The following ZNF33B variants were observed in gnomAD, a reference collection of about 807,000 sequenced individuals.
The protein encoded by ZNF33B is zinc finger protein 11b (KOX 2).
Under a neutral mutation model 45.8 loss-of-function variants are expected in ZNF33B, and 29 were observed. That is an observed-to-expected ratio of 0.63 (90% CI 0.47 to 0.86). The LOEUF (loss-of-function observed/expected upper bound fraction) is 0.86, where lower values mean the gene tolerates loss of function less well. ZNF33B is among the 40% of genes least tolerant of loss of function. The probability of loss-of-function intolerance (pLI) is 0.00; values close to 1 mark genes in which losing one functional copy is unlikely to be tolerated. For synonymous variants in ZNF33B, 305 were observed against 307.8 expected (o/e 0.99, Z 0.10); for missense variants, 831 against 909.9 (o/e 0.91, Z 1.12).
At chr10:42,633,839 G>A (rs1839163688) in intron 2 of ZNF33B, among the ~76,000 whole-genome samples, 1 of 151,950 alleles carries the variant, frequency 6.6e-6, no homozygotes, top group Admixed American at 6.6e-5. Context: ...CGTGGTGGCA[G>A]GCACCTGTAA....
intron 4 of ZNF33B, among the ~76,000 whole-genome samples, chr10:42,631,464 GC>G (rs1284055038): frequency 6.6e-6 from 1 of 152,138 alleles, no homozygotes; most frequent in African/African-American, 2.4e-5. Flanking sequence ...CTCGACCTGT[GC>G]TGGGATTACA....
At chr10:42,636,844 A>C in intron 2 of ZNF33B, 76 bp downstream of exon 2, 1 of 1,602,206 alleles carries the variant, frequency 6.2e-7, no homozygotes, top group South Asian at 1.1e-5. Flanking sequence ...AAAACAAAAC[A>C]AAAAAACCAT....
chr10:42,634,600 CA>C (rs1839205344), intron 2 of ZNF33B, among the ~76,000 whole-genome samples: 1 of 152,148 alleles, frequency 6.6e-6, no homozygotes, highest in Admixed American at 6.5e-5. Context: ...GGTACTGGCA[CA>C]ACCAACCAAC....
At chr10:42,630,196 T>A (rs1488952966) in intron 4 of ZNF33B, among the ~76,000 whole-genome samples, 1 of 152,224 alleles carries the variant, frequency 6.6e-6, no homozygotes, top group Non-Finnish European at 1.5e-5. Flanking sequence ...AGCTTCCCTA[T>A]CTAATAATGC....
intron 4 of ZNF33B, among the ~76,000 whole-genome samples, chr10:42,609,244 C>G (rs1003378584): frequency 6.6e-6 from 1 of 151,916 alleles, no homozygotes; most frequent in Admixed American, 6.6e-5. Context: ...GGTGAAACCC[C>G]CTCTCTATAA....
At position 42,622,286 on chromosome 10, in the gene ZNF33B, C is replaced by T. The variant is rs1457636115; in HGVS notation, c.250+9643G>A. ...TCCAAAATGATCTACAGATTTAACA[C>T]AATCCCTATCAAAATTCCATCAGCA... On this transcript the variant is annotated intron_variant, in intron 4 of 4. Coordinates refer to ENST00000359467, the MANE Select transcript of ZNF33B (RefSeq NM_006955.3). Among the ~76,000 whole-genome samples the T allele has an allele frequency of 3.3e-5, 5 of 152,176 alleles. No homozygotes were observed. The East Asian group carries it at 5.8e-4, about 18-fold the overall frequency.
At chr10:42,610,143 T>TA (rs1838040353) in intron 4 of ZNF33B, among the ~76,000 whole-genome samples, 1 of 152,208 alleles carries the variant, frequency 6.6e-6, no homozygotes, top group South Asian at 2.1e-4. Flanking sequence ...TAGAGAATCT[T>TA]AAAGAATCTA....
chr10:42,636,861 T>G, intron 2 of ZNF33B, 59 bp downstream of exon 2: 1 of 1,610,692 alleles, frequency 6.2e-7, no homozygotes, highest in South Asian at 1.1e-5. Flanking sequence ...CCATACTGAC[T>G]CTTACAAATC....
intron 1 of ZNF33B, among the ~76,000 whole-genome samples, chr10:42,575,711 A>AATATATATAT (rs141485546): frequency 1.5e-4 from 21 of 143,552 alleles, no homozygotes; most frequent in African/African-American, 5.4e-4. Context: ...ACTGCATAAT[A>AATATATATAT]ATATATATAT....
intron 4 of ZNF33B, among the ~76,000 whole-genome samples, chr10:42,626,074 GATT>G (rs1370980843): frequency 2.0e-5 from 3 of 152,174 alleles, no homozygotes; most frequent in Non-Finnish European, 4.4e-5. Flanking sequence ...CTTGTATAGA[GATT>G]TTTTATCATG....
At chr10:42,596,004 C>A (rs1435211196) in intron 4 of ZNF33B, among the ~76,000 whole-genome samples, 1 of 151,424 alleles carries the variant, frequency 6.6e-6, no homozygotes, top group East Asian at 1.9e-4. Flanking sequence ...AGAGAAGAAA[C>A]AATAATTTTA....
Position 42,617,737 on chromosome 10 carries a change from G to C in ZNF33B, c.250+14192C>G, listed in dbSNP as rs143422387. ...CTGCCTTCCTAACGCTGGCAACCACGAATCTGTTCTCCATCTCTATGCTGT... is the reference window on the plus strand; with the variant it reads ...CTGCCTTCCTAACGCTGGCAACCACCAATCTGTTCTCCATCTCTATGCTGT... On this transcript the variant is annotated intron_variant, in intron 4 of 4. Transcript: ENST00000359467. 9.2e-5 allele frequency among the ~76,000 whole-genome samples: 14 copies of C among 152,200 alleles called. 1 individual carries two copies. In the South Asian group the frequency reaches 1.0e-3, roughly 11 times the overall value.
chr10:42,636,373 C>T (rs1839300231), intron 2 of ZNF33B, among the ~76,000 whole-genome samples: 1 of 152,192 alleles, frequency 6.6e-6, no homozygotes, highest in Non-Finnish European at 1.5e-5. Context: ...TGTCTGTATC[C>T]ATATCCAGTG....
intron 4 of ZNF33B, among the ~76,000 whole-genome samples, chr10:42,630,353 G>A (rs533450523): frequency 6.6e-6 from 1 of 152,124 alleles, no homozygotes; most frequent in Non-Finnish European, 1.5e-5. Flanking sequence ...ATTCCCTGCA[G>A]GGAATGTGTT....
At chr10:42,600,375 T>C (rs1837569377) in intron 4 of ZNF33B, among the ~76,000 whole-genome samples, 2 of 152,168 alleles carry the variant, frequency 1.3e-5, no homozygotes, top group Admixed American at 6.5e-5. Flanking sequence ...AATCTGTTAC[T>C]AAGTTTAGGA....
At chr10:42,577,344 T>TCC (rs1214309352) in intron 1 of ZNF33B, among the ~76,000 whole-genome samples, 1 of 152,054 alleles carries the variant, frequency 6.6e-6, no homozygotes, top group Admixed American at 6.6e-5. Context: ...CCTCACCCTC[T>TCC]CCCATTCCTT....
At chr10:42,576,755 G>A (rs1291359358) in intron 1 of ZNF33B, among the ~76,000 whole-genome samples, 1 of 152,130 alleles carries the variant, frequency 6.6e-6, no homozygotes, top group African/African-American at 2.4e-5. Context: ...AAGAATGGTG[G>A]AAAACAAGAA....
In ZNF33B at chr10:42,592,373, G is replaced by A. The variant is rs988131991; in HGVS notation, c.*240C>T. 3 of 636,060 alleles carry A rather than the reference G, an allele frequency of 4.7e-6. No individual in the cohort carries two copies. Among genetic ancestry groups the A allele is most frequent in the Non-Finnish European group, 4.6e-6 (2 of 432,346 alleles). The allele number at this position is 636,060 out of a possible 1,614,324, so 39.4% of individuals were successfully genotyped here. ...AACTTTCACAAATTCAAAAAAATCT[G>A]TGAGGTTTTATGCCAGTATTAACCA... On this transcript the variant is annotated 3_prime_UTR_variant, in exon 5 of 5. Transcript: ENST00000359467.
intron 1 of ZNF33B, among the ~76,000 whole-genome samples, chr10:42,637,751 C>T (rs1161012672): frequency 6.6e-6 from 1 of 152,168 alleles, no homozygotes; most frequent in African/African-American, 2.4e-5. Flanking sequence ...CAACCTCCGC[C>T]TCCCGGGTTC....
Sources: allele counts gnomAD v4.1 joint callset (sites outside exome capture counted in the v4.1 genomes callset), GRCh38; gene constraint gnomAD v4.1.1; transcripts MANE v1.5; gene names NCBI Gene and HGNC (gene_info 2026-07-23, HGNC 2026-07-21).